The following ATP13A4 variants were observed in gnomAD, a reference collection of about 807,000 sequenced individuals.
ATP13A4 encodes ATPase 13A4.
ATP13A4 carries 114 observed loss-of-function variants against 142.5 expected under a neutral mutation model. That is an observed-to-expected ratio of 0.80 (90% confidence interval 0.69 to 0.93). ATP13A4 has a LOEUF of 0.93. Ranked by LOEUF, ATP13A4 falls within the 40% of genes least tolerant of loss-of-function variation. The probability of loss-of-function intolerance (pLI) is 0.00; values close to 1 mark genes in which losing one functional copy is unlikely to be tolerated. For missense variants in ATP13A4, 1,392 were observed against 1,454.0 expected, an observed-to-expected ratio of 0.96 and a Z score of 0.69; for synonymous variants, 488 against 514.8, an observed-to-expected ratio of 0.95 and a Z score of 0.70.
chr3:193,473,839 AT>A (rs2108649848), intron 8 of ATP13A4, among the ~76,000 whole-genome samples: 1 of 152,326 alleles, frequency 6.6e-6, no homozygotes, highest in Non-Finnish European at 1.5e-5. Context: ...TCAACTAAAA[AT>A]TGAAGATTAA....
At chr3:193,409,041 G>T (rs1231369526) in intron 28 of ATP13A4, among the ~76,000 whole-genome samples, 1 of 152,136 alleles carries the variant, frequency 6.6e-6, no homozygotes, top group East Asian at 1.9e-4. Context: ...TAGTGTCATT[G>T]GTTACCTCCA....
intron 1 of ATP13A4, among the ~76,000 whole-genome samples, chr3:193,527,356 G>A (rs948316552): frequency 6.6e-6 from 1 of 152,142 alleles, no homozygotes; most frequent in Non-Finnish European, 1.5e-5. Flanking sequence ...GCTCTTGCCT[G>A]TAATCCCAGC....
chr3:193,437,200 T>C (rs1278399669), intron 23 of ATP13A4, among the ~76,000 whole-genome samples: 1 of 149,718 alleles, frequency 6.7e-6, no homozygotes, highest in African/African-American at 2.5e-5. Context: ...AGTTTCTCCT[T>C]ATTGCTTAGA....
chr3:193,516,594 T>G (rs1476247610), intron 1 of ATP13A4, among the ~76,000 whole-genome samples: 4 of 152,202 alleles, frequency 2.6e-5, no homozygotes, highest in African/African-American at 9.6e-5. Flanking sequence ...CTACCATTCT[T>G]TCCCATGTGC....
intron 9 of ATP13A4, among the ~76,000 whole-genome samples, chr3:193,469,003 T>C (rs916012706): frequency 6.6e-6 from 1 of 152,170 alleles, no homozygotes; most frequent in African/African-American, 2.4e-5. Context: ...TTATTTGGAT[T>C]TGAAGCTCAG....
intron 1 of ATP13A4, among the ~76,000 whole-genome samples, chr3:193,539,661 G>A (rs888098628): frequency 6.6e-6 from 1 of 152,094 alleles, no homozygotes; most frequent in Non-Finnish European, 1.5e-5. Flanking sequence ...TTGGAGATGG[G>A]GTTGCACATA....
intron 2 of ATP13A4, among the ~76,000 whole-genome samples, chr3:193,575,948 G>A (rs1022478130): frequency 1.3e-5 from 2 of 152,182 alleles, no homozygotes; most frequent in African/African-American, 2.4e-5. Flanking sequence ...AGGCACTTTT[G>A]ATTGTCTTGA....
intron 28 of ATP13A4, among the ~76,000 whole-genome samples, chr3:193,410,112 C>T (rs1714691156): frequency 6.6e-6 from 1 of 152,156 alleles, no homozygotes; most frequent in East Asian, 1.9e-4. Context: ...ATGTTTTTCC[C>T]TGGCTTGGAT....
At chr3:193,554,383 G>A (rs896862035) in intron 1 of ATP13A4, 5 of 351,190 alleles carry the variant, frequency 1.4e-5, no homozygotes, top group Admixed American at 4.1e-5. Context: ...CCTCACATTA[G>A]GGATTTCCTA....
At chr3:193,481,270 A>T (rs559488088) in intron 8 of ATP13A4, among the ~76,000 whole-genome samples, 1 of 152,194 alleles carries the variant, frequency 6.6e-6, no homozygotes, top group South Asian at 2.1e-4. Flanking sequence ...TTAACCAGGA[A>T]AAAAACTTAT....
intron 8 of ATP13A4, among the ~76,000 whole-genome samples, chr3:193,474,347 A>AC (rs1718810696): frequency 2.1e-4 from 30 of 145,780 alleles, no homozygotes; most frequent in African/African-American, 7.4e-4. Flanking sequence ...AAAAAAAAAA[A>AC]CAAACAAAAA....
At chr3:193,519,794 G>A (rs1478527280) in intron 1 of ATP13A4, among the ~76,000 whole-genome samples, 7 of 151,482 alleles carry the variant, frequency 4.6e-5, no homozygotes, top group Admixed American at 6.6e-5. Context: ...ACAGGCGCCC[G>A]TCACTGTGCC....
intron 11 of ATP13A4, among the ~76,000 whole-genome samples, chr3:193,465,548 G>C (rs753568285): frequency 2.6e-5 from 4 of 151,938 alleles, no homozygotes; most frequent in Non-Finnish European, 5.9e-5. Flanking sequence ...GTGGGTTAAA[G>C]GCATGACCAT....
Position 193,414,752 on chromosome 3 carries a change from T to C in ATP13A4, c.2843-2A>G. The C allele has an allele frequency of 1.2e-6, 2 of 1,613,956 alleles. No individual in the cohort carries two copies. The highest frequency in any genetic ancestry group is 1.7e-6 in the Non-Finnish European group (2 of 1,179,906). On this transcript the variant is annotated splice_acceptor_variant, in intron 25 of 29. Coordinates refer to ENST00000342695, the MANE Select transcript of ATP13A4 (RefSeq NM_032279.4). LOFTEE classifies it high-confidence loss of function. The stretch of plus-strand genomic sequence containing the variant: ...TAGGGTAGGCACCATTCAGATTCAC[T>C]ATAAAATAAATTCGAATTTTATATT...
chr3:193,526,734 G>A (rs1306769045), intron 1 of ATP13A4, among the ~76,000 whole-genome samples: 4 of 151,936 alleles, frequency 2.6e-5, no homozygotes, highest in Non-Finnish European at 5.9e-5. Flanking sequence ...ATGTTTAAAA[G>A]GCAAGGAAAT....
intron 2 of ATP13A4, among the ~76,000 whole-genome samples, chr3:193,507,537 G>C (rs74525670): frequency 0.016 from 2,376 of 152,164 alleles, 78 homozygotes; most frequent in African/African-American, 0.055. Flanking sequence ...AAAAAAAAGA[G>C]GAGGGAGGGA....
chr3:193,405,028 A>C (rs1359390053), intron 29 of ATP13A4, among the ~76,000 whole-genome samples: 1 of 152,182 alleles, frequency 6.6e-6, no homozygotes, highest in Non-Finnish European at 1.5e-5. Context: ...GCACTGGCAT[A>C]GTAAGGATAA....
chr3:193,484,132 A>G, intron 7 of ATP13A4, 127 bp from the exon 8 acceptor site: 1 of 795,648 alleles, frequency 1.3e-6, no homozygotes, highest in South Asian at 1.4e-5. Flanking sequence ...TGTACTGGCT[A>G]AAAACAAAGG....
chr3:193,580,196 C>T lies in ATP13A4; in HGVS notation n.291+1511G>A, dbSNP rs75759766. Among the ~76,000 whole-genome samples, 664 of 152,190 alleles carry T rather than the reference C, an allele frequency of 4.4e-3. 8 individuals carry two copies. Among genetic ancestry groups the T allele is most frequent in the African/African-American group, 0.015 (617 of 41,514 alleles). On this transcript the variant is annotated intron_variant and non_coding_transcript_variant, in intron 2 of 3. Coordinates refer to the ATP13A4 transcript ENST00000489140. ...CTACAACCTCTCCTGCTGATATAGC[C>T]TGGTAAATTGACTACTGAAAGTGGA... is the stretch of plus-strand genomic sequence containing the variant.
Sources: gnomAD v4.1 joint callset for allele counts (sites outside exome capture counted in the v4.1 genomes callset) on GRCh38, gnomAD v4.1.1 for gene constraint, MANE v1.5 for transcripts, NCBI Gene and HGNC (gene_info 2026-07-23, HGNC 2026-07-21) for gene names.